The following ATP2B2 variants were observed in gnomAD, a reference collection of about 807,000 sequenced individuals.
The protein encoded by ATP2B2 is ATPase plasma membrane Ca2+ transporting 2.
A neutral mutation model predicts 120.0 loss-of-function variants in ATP2B2; 15 were observed. The ratio of observed to expected loss-of-function variants is 0.12; its 90% CI spans 0.08 to 0.19. The LOEUF is 0.19. Ranked by LOEUF, ATP2B2 falls within the 10% of genes least tolerant of loss-of-function variation. ATP2B2 has a pLI of 1.00. For missense variants in ATP2B2, 1,045 were observed against 1,719.8 expected, an observed-to-expected ratio of 0.61 and a Z score of 6.94; for synonymous variants, 694 against 700.3, an observed-to-expected ratio of 0.99 and a Z score of 0.14.
chr3:10,650,808 C>G (rs1464033240), intron 1 of ATP2B2, among the ~76,000 whole-genome samples: 1 of 152,192 alleles, frequency 6.6e-6, no homozygotes, highest in Non-Finnish European at 1.5e-5. Flanking sequence ...CAATGCCAGC[C>G]CCTGAAAGCA....
chr3:10,623,635 T>C (rs1031626949), intron 1 of ATP2B2, among the ~76,000 whole-genome samples: 1 of 152,212 alleles, frequency 6.6e-6, no homozygotes, highest in African/African-American at 2.4e-5. Flanking sequence ...GCCTGCATCC[T>C]GAAGGTCTCT....
chr3:10,469,491 C>T (rs185756033), intron 1 of ATP2B2, among the ~76,000 whole-genome samples: 3 of 152,174 alleles, frequency 2.0e-5, no homozygotes, highest in Non-Finnish European at 4.4e-5. Context: ...ATTTGTTAAG[C>T]GTGGCTCAGG....
At chr3:10,470,279 A>G (rs1042247908) in intron 1 of ATP2B2, among the ~76,000 whole-genome samples, 2 of 152,142 alleles carry the variant, frequency 1.3e-5, no homozygotes, top group African/African-American at 4.8e-5. Flanking sequence ...ACCCTCAAAC[A>G]ACACAGGTGT....
intron 1 of ATP2B2, among the ~76,000 whole-genome samples, chr3:10,625,450 G>A (rs1049521452): frequency 3.9e-5 from 6 of 152,146 alleles, no homozygotes; most frequent in Admixed American, 6.5e-5. Flanking sequence ...CCTGGCTCCC[G>A]CTGAACTACT....
intron 2 of ATP2B2, among the ~76,000 whole-genome samples, chr3:10,616,670 G>C (rs575850389): frequency 1.3e-3 from 162 of 129,034 alleles, no homozygotes; most frequent in Admixed American, 2.1e-3. Context: ...TTATACAGCT[G>C]ACTAGCAAAA....
chr3:10,382,288 G>A (rs574484264), intron 8 of ATP2B2, among the ~76,000 whole-genome samples: 5 of 141,406 alleles, frequency 3.5e-5, no homozygotes, highest in Admixed American at 7.6e-5. Context: ...CTCCTGCTTC[G>A]GCCTCCCAAA....
chr3:10,580,506 T>TCCCAACCGACACCTCCGGC (rs1192183370), intron 2 of ATP2B2, among the ~76,000 whole-genome samples: 6 of 152,140 alleles, frequency 3.9e-5, no homozygotes, highest in African/African-American at 1.4e-4. Flanking sequence ...CTTGGCCTGG[T>TCCCAACCGACACCTCCGGC]CCCAACCGAC....
intron 2 of ATP2B2, chr3:10,566,422 C>T (rs1376857155): frequency 6.6e-6 from 1 of 152,178 alleles, no homozygotes; most frequent in African/African-American, 2.4e-5. Flanking sequence ...ATTCACACAT[C>T]ATATAACCTA....
intron 2 of ATP2B2, among the ~76,000 whole-genome samples, chr3:10,581,986 T>C (rs909481622): frequency 6.6e-6 from 1 of 152,220 alleles, no homozygotes; most frequent in African/African-American, 2.4e-5. Context: ...ATTCCCACAC[T>C]GGTCGGAATT....
At chr3:10,473,540 G>A (rs983809099) in intron 1 of ATP2B2, among the ~76,000 whole-genome samples, 4 of 152,302 alleles carry the variant, frequency 2.6e-5, no homozygotes, top group African/African-American at 7.2e-5. Context: ...GCTGAGGCAC[G>A]AGAATCACTT....
chr3:10,346,217 G>A lies in ATP2B2; in HGVS notation c.2405-80C>T. 2.2e-6 allele frequency: 3 copies of A among 1,390,102 alleles called. No individual in the cohort carries two copies. Among genetic ancestry groups the A allele is most frequent in the South Asian group, 2.4e-5 (2 of 85,106 alleles). The allele number at this position is 1,390,102 out of a possible 1,614,324, so 86.1% of individuals were successfully genotyped here. A position where few individuals can be genotyped will look rare whatever the true frequency, so the allele number is the denominator to read the frequency against. On this transcript the variant is annotated intron_variant, in intron 16 of 22. Transcript: ENST00000360273. This position sits in a 1 kb window ranked among gnomAD's most constrained non-coding sequence, Gnocchi z 4.1. ...GGGCCAGCCCTGGTCCTCGGGAGGGGCCTGGCTGGGCATGGCTTCCTCTCT... is the reference window on the plus strand; with the variant it reads ...GGGCCAGCCCTGGTCCTCGGGAGGGACCTGGCTGGGCATGGCTTCCTCTCT...
intron 12 of ATP2B2, among the ~76,000 whole-genome samples, chr3:10,365,785 C>T (rs1468112038): frequency 0.049 from 7 of 144 alleles, no homozygotes; most frequent in Non-Finnish European, 0.092. Flanking sequence ...GTGTATGGTA[C>T]GTACTGTGTA....
intron 2 of ATP2B2, among the ~76,000 whole-genome samples, chr3:10,615,107 G>A (rs796204212): frequency 5.9e-5 from 9 of 152,264 alleles, no homozygotes; most frequent in African/African-American, 2.2e-4. Flanking sequence ...GAGGCCAGAG[G>A]TGAAGGCAGG....
chr3:10,654,911 A>G (rs1318334738), intron 1 of ATP2B2, among the ~76,000 whole-genome samples: 1 of 152,150 alleles, frequency 6.6e-6, no homozygotes, highest in Admixed American at 6.5e-5. Context: ...GAGAAATACT[A>G]TCGCAGTGAC....
intron 1 of ATP2B2, among the ~76,000 whole-genome samples, chr3:10,680,202 A>G (rs2125701509): frequency 6.6e-6 from 1 of 152,282 alleles, no homozygotes; most frequent in East Asian, 1.9e-4. Context: ...AGTTTGCTCT[A>G]TGGCCCTAGG....
At chr3:10,358,373 C>T (rs1485323128) in intron 14 of ATP2B2, among the ~76,000 whole-genome samples, 1 of 152,198 alleles carries the variant, frequency 6.6e-6, no homozygotes, top group Admixed American at 6.5e-5. Context: ...GGCAGGGCAG[C>T]CCCTACACCT....
At chr3:10,338,131 C>T (rs766291412) in intron 22 of ATP2B2, 45 bp downstream of exon 22, 2 of 1,611,290 alleles carry the variant, frequency 1.2e-6, no homozygotes, top group South Asian at 1.1e-5. Context: ...ATCCCCTGGC[C>T]CGCCCCGGCC....
intron 1 of ATP2B2, among the ~76,000 whole-genome samples, chr3:10,480,535 T>G (rs184679164): frequency 1.9e-4 from 29 of 152,322 alleles, no homozygotes; most frequent in African/African-American, 6.5e-4. Flanking sequence ...CCCGCGCCTA[T>G]GTGGGACTAG....
intron 1 of ATP2B2, among the ~76,000 whole-genome samples, chr3:10,651,309 G>T (rs781540009): frequency 3.3e-4 from 50 of 152,302 alleles, no homozygotes; most frequent in Non-Finnish European, 6.6e-4. Flanking sequence ...ATTTCCATGT[G>T]TTGTGGGAGG....
Sources: gnomAD v4.1 joint callset for allele counts (sites outside exome capture counted in the v4.1 genomes callset) on GRCh38, gnomAD v4.1.1 for gene constraint, Gnocchi (gnomAD v3.1) non-coding constraint, MANE v1.5 for transcripts, NCBI Gene and HGNC (gene_info 2026-07-23, HGNC 2026-07-21) for gene names.